NKAIN3: variants seen among roughly 807,000 people sequenced by gnomAD.
The protein encoded by NKAIN3 is sodium/potassium transporting ATPase interacting 3, also known as sodium/potassium-transporting ATPase subunit beta-1-interacting protein 3.
A neutral mutation model predicts 30.2 loss-of-function variants in NKAIN3; 25 were observed. The ratio of observed to expected loss-of-function variants is 0.83; its 90% confidence interval spans 0.60 to 1.16. The LOEUF (loss-of-function observed/expected upper bound fraction) is 1.16. NKAIN3 is among the 50% of genes most tolerant of loss of function. The pLI, the probability that NKAIN3 is intolerant of heterozygous loss-of-function variation, is 0.00. For synonymous variants in NKAIN3, 91 were observed against 89.6 expected, an observed-to-expected ratio of 1.02 and a Z score of -0.09; for missense variants, 225 against 254.1, an observed-to-expected ratio of 0.89 and a Z score of 0.78.
chr8:62,575,955 A>G (rs1810095996), intron 1 of NKAIN3, among the ~76,000 whole-genome samples: 1 of 152,166 alleles, frequency 6.6e-6, no homozygotes, highest in Non-Finnish European at 1.5e-5. Flanking sequence ...TGCCATATAC[A>G]AACATTAAAT....
chr8:62,886,276 A>G (rs1821144513), intron 4 of NKAIN3, among the ~76,000 whole-genome samples: 1 of 152,002 alleles, frequency 6.6e-6, no homozygotes, highest in Admixed American at 6.6e-5. Context: ...CATAATAGTA[A>G]AATAGTCCTA....
chr8:62,778,072 T>C (rs1290231329), intron 4 of NKAIN3, among the ~76,000 whole-genome samples: 1 of 152,120 alleles, frequency 6.6e-6, no homozygotes, highest in Non-Finnish European at 1.5e-5. Context: ...CTGTATATGC[T>C]GAGCTGCCTG....
chr8:62,707,085 A>ACACACACACACACG (rs57061825), intron 3 of NKAIN3, among the ~76,000 whole-genome samples: 1 of 144,096 alleles, frequency 6.9e-6, no homozygotes, highest in African/African-American at 2.5e-5. Context: ...ACACACACAC[A>ACACACACACACACG]CGCACATATA....
intron 1 of NKAIN3, among the ~76,000 whole-genome samples, chr8:62,507,968 T>C (rs958143392): frequency 1.3e-5 from 2 of 152,208 alleles, no homozygotes; most frequent in Non-Finnish European, 2.9e-5. Context: ...AAAAATGTGC[T>C]GAAAAACATC....
At chr8:62,604,109 C>T (rs564196792) in intron 3 of NKAIN3, among the ~76,000 whole-genome samples, 1 of 152,048 alleles carries the variant, frequency 6.6e-6, no homozygotes, top group African/African-American at 2.4e-5. Context: ...AGATTCCATC[C>T]TTCCATGTCC....
chr8:62,621,367 A>G, intron 3 of NKAIN3, among the ~76,000 whole-genome samples: 1 of 152,098 alleles, frequency 6.6e-6, no homozygotes, highest in East Asian at 1.9e-4. Context: ...TAATATAAAA[A>G]TGTAATATTA....
chr8:62,805,777 G>A (rs1038846872), intron 4 of NKAIN3, among the ~76,000 whole-genome samples: 7 of 152,146 alleles, frequency 4.6e-5, no homozygotes, highest in African/African-American at 1.4e-4. Flanking sequence ...AAAAGCAATG[G>A]CAACAAAAGC....
At position 62,983,309 on chromosome 8, in the gene NKAIN3, G is replaced by A. The variant is rs1199653697; in HGVS notation, c.*17902G>A. 2 of 152,024 alleles carry A rather than the reference G, an allele frequency of 1.3e-5. No homozygotes were observed. Among genetic ancestry groups the A allele is most frequent in the African/African-American group, 4.8e-5 (2 of 41,384 alleles). 9.4% of individuals were successfully genotyped at this position (152,024 alleles called of 1,614,324 possible). A position where few individuals can be genotyped will look rare whatever the true frequency, so the allele number is the denominator to read the frequency against. On this transcript the variant is annotated 3_prime_UTR_variant, in exon 7 of 7. Transcript: ENST00000623646. ...GTGAAGAGGTGTATTAACCCTCAAG[G>A]CCCTAAGAAAATCCCCAATAGGGCT...
At chr8:62,489,023 T>C (rs1352183639) in intron 1 of NKAIN3, among the ~76,000 whole-genome samples, 1 of 152,170 alleles carries the variant, frequency 6.6e-6, no homozygotes, top group African/African-American at 2.4e-5. Context: ...AGGACAATCA[T>C]CTATTTGTTT....
chr8:62,394,204 C>T (rs546912537), intron 1 of NKAIN3, among the ~76,000 whole-genome samples: 12 of 152,214 alleles, frequency 7.9e-5, no homozygotes, highest in Non-Finnish European at 1.5e-4. Context: ...TTCATAGATA[C>T]GCTTTATCAG....
At chr8:62,764,525 G>A (rs1224211078) in intron 4 of NKAIN3, among the ~76,000 whole-genome samples, 2 of 151,926 alleles carry the variant, frequency 1.3e-5, no homozygotes. Flanking sequence ...GAGTGCAGTG[G>A]CATGATTATA....
At chr8:62,872,322 G>A (rs1263052014) in intron 4 of NKAIN3, among the ~76,000 whole-genome samples, 5 of 152,244 alleles carry the variant, frequency 3.3e-5, no homozygotes, top group Non-Finnish European at 2.9e-5. Context: ...ACTCTGTGGT[G>A]ACATGTAGTG....
chr8:62,946,229 G>A (rs2130888872), intron 5 of NKAIN3, among the ~76,000 whole-genome samples: 1 of 152,258 alleles, frequency 6.6e-6, no homozygotes, highest in East Asian at 1.9e-4. Flanking sequence ...TTCAGGAAGG[G>A]GGTAGCACAG....
intron 1 of NKAIN3, among the ~76,000 whole-genome samples, chr8:62,249,777 C>T (rs1220319975): frequency 1.3e-5 from 2 of 152,264 alleles, no homozygotes; most frequent in East Asian, 1.9e-4. Context: ...CAGCTGTCAT[C>T]AAGGAGAGAA....
intron 1 of NKAIN3, among the ~76,000 whole-genome samples, chr8:62,403,248 T>A (rs1291392987): frequency 6.6e-6 from 1 of 152,166 alleles, no homozygotes; most frequent in African/African-American, 2.4e-5. Flanking sequence ...CCTAAAAGTT[T>A]GGAAATTTTG....
chr8:62,554,939 T>C (rs938637245), intron 1 of NKAIN3, among the ~76,000 whole-genome samples: 1 of 151,722 alleles, frequency 6.6e-6, no homozygotes, highest in Non-Finnish European at 1.5e-5. Context: ...ATTTTTCTTT[T>C]CCTGTTTGGC....
chr8:62,563,299 C>A (rs536555811), intron 1 of NKAIN3, among the ~76,000 whole-genome samples: 1 of 152,208 alleles, frequency 6.6e-6, no homozygotes, highest in South Asian at 2.1e-4. Context: ...GAAGCTGAAT[C>A]AAATGATGAA....
chr8:62,863,795 A>G, intron 4 of NKAIN3: 1 of 1,611,366 alleles, frequency 6.2e-7, no homozygotes, highest in Non-Finnish European at 8.5e-7. Flanking sequence ...CCCCCATCCA[A>G]GCTTTCTAAT....
intron 1 of NKAIN3, among the ~76,000 whole-genome samples, chr8:62,294,198 T>C (rs954044408): frequency 6.6e-6 from 1 of 152,116 alleles, no homozygotes; most frequent in Non-Finnish European, 1.5e-5. Flanking sequence ...GAAGCGTTGC[T>C]CTGCCCTTCT....
Sources: allele counts gnomAD v4.1 joint callset (sites outside exome capture counted in the v4.1 genomes callset), GRCh38; gene constraint gnomAD v4.1.1; transcripts MANE v1.5; gene names NCBI Gene and HGNC (gene_info 2026-07-23, HGNC 2026-07-21).